NBAS: variants seen among roughly 807,000 people sequenced by gnomAD.
NBAS encodes the protein NAG/BC035112 fusion.
Under a neutral mutation model 302.5 loss-of-function variants are expected in NBAS, and 219 were observed. The ratio of observed to expected loss-of-function variants is 0.72; its 90% CI spans 0.65 to 0.81. The LOEUF (loss-of-function observed/expected upper bound fraction) is 0.81, where lower values mean the gene tolerates loss of function less well. Ranked by LOEUF, NBAS falls within the 30% of genes least tolerant of loss-of-function variation. The pLI is 0.00. For synonymous variants in NBAS, 1,118 were observed against 1,021.6 expected (o/e 1.09, Z -1.80); for missense variants, 2,932 against 2,841.6 (o/e 1.03, Z -0.72).
Position 15,177,130 on chromosome 2 carries a change from G to C in NBAS, c.6840+1858C>G, listed in dbSNP as rs769982326. On this transcript the variant is annotated intron_variant, in intron 51 of 51. Coordinates refer to ENST00000281513, the MANE Select transcript of NBAS (RefSeq NM_015909.4). ...CTTAGCAATTTATACCTGTGGCTTT[G>C]ATTCTTGGATCTGAAGGGCACAGAC... is the stretch of plus-strand genomic sequence containing the variant. 4.6e-5 allele frequency among the ~76,000 whole-genome samples: 7 copies of C among 152,180 alleles called. No individual in the cohort carries two copies. In the South Asian group the frequency reaches 8.3e-4, roughly 18 times the overall value.
chr2:15,199,896 ATTTTTTTTT>A (rs35760010), intron 48 of NBAS, among the ~76,000 whole-genome samples: 1 of 121,450 alleles, frequency 8.2e-6, no homozygotes, highest in African/African-American at 3.2e-5. Context: ...AGAAAGCTGG[ATTTTTTTTT>A]TTTTTTTTTT....
chr2:14,994,791 C>A, the NBAS span, among the ~76,000 whole-genome samples: 1 of 152,236 alleles, frequency 6.6e-6, no homozygotes, highest in African/African-American at 2.4e-5. Context: ...ATTCTCTTAA[C>A]CTGCCCTTAG....
chr2:15,492,613 T>G (rs1680906679), intron 11 of NBAS, among the ~76,000 whole-genome samples: 1 of 152,108 alleles, frequency 6.6e-6, no homozygotes, highest in African/African-American at 2.4e-5. Flanking sequence ...TGCACCACCA[T>G]GCCTGGCTAA....
intron 28 of NBAS, among the ~76,000 whole-genome samples, chr2:15,387,129 G>T (rs1454789016): frequency 2.7e-5 from 4 of 150,452 alleles, no homozygotes; most frequent in African/African-American, 9.8e-5. Flanking sequence ...GAGCAGTGGT[G>T]CAATCTCAGC....
intron 28 of NBAS, chr2:15,393,836 C>A: frequency 4.9e-6 from 2 of 408,954 alleles, no homozygotes; most frequent in South Asian, 1.9e-5. Context: ...TGAGTGAAAG[C>A]CAAACAAACA....
chr2:15,221,278 T>G (rs912373386), intron 47 of NBAS, among the ~76,000 whole-genome samples: 103 of 152,314 alleles, frequency 6.8e-4, no homozygotes, highest in Non-Finnish European at 2.5e-4. Flanking sequence ...AATATTATCC[T>G]TCCCAGGTTA....
intron 49 of NBAS, among the ~76,000 whole-genome samples, chr2:15,189,474 A>G (rs905998683): frequency 2.0e-5 from 3 of 152,116 alleles, no homozygotes; most frequent in African/African-American, 7.2e-5. Flanking sequence ...GCATGGGGAG[A>G]GCAAGATCAG....
chr2:15,481,793 C>G (rs11689269), intron 12 of NBAS, among the ~76,000 whole-genome samples: 88,651 of 152,048 alleles, frequency 0.58, 27,162 homozygotes, highest in Non-Finnish European at 0.68. Context: ...CTGTCTCAAG[C>G]CCCTCCTTGT....
the NBAS span, among the ~76,000 whole-genome samples, chr2:14,992,051 G>A: frequency 6.6e-6 from 1 of 152,146 alleles, no homozygotes; most frequent in Non-Finnish European, 1.5e-5. Context: ...AGTGGGAATG[G>A]AACAGAGCTC....
intron 25 of NBAS, among the ~76,000 whole-genome samples, chr2:15,408,179 G>A (rs1676511991): frequency 6.6e-6 from 1 of 152,138 alleles, no homozygotes; most frequent in Non-Finnish European, 1.5e-5. Flanking sequence ...TGGACACTTT[G>A]GGAGGCCATT....
intron 19 of NBAS, among the ~76,000 whole-genome samples, chr2:15,465,445 T>G (rs991514940): frequency 1.3e-5 from 2 of 152,208 alleles, no homozygotes; most frequent in South Asian, 2.1e-4. Flanking sequence ...GTGAACTCCA[T>G]GAAGCCCATT....
intron 12 of NBAS, among the ~76,000 whole-genome samples, chr2:15,488,427 G>T (rs1254606743): frequency 3.9e-5 from 6 of 152,034 alleles, no homozygotes; most frequent in Admixed American, 3.9e-4. Flanking sequence ...CACTAACAAA[G>T]AGTTCCATCC....
At chr2:15,034,026 A>AGAAGAAGAAGGAG in the NBAS span, among the ~76,000 whole-genome samples, 4 of 50,084 alleles carry the variant, frequency 8.0e-5, no homozygotes, top group Non-Finnish European at 1.1e-4. Flanking sequence ...AAGAAGAAGA[A>AGAAGAAGAAGGAG]GAGGAGGAGG....
the NBAS span, among the ~76,000 whole-genome samples, chr2:15,088,356 A>G: frequency 1.3e-5 from 2 of 152,218 alleles, no homozygotes; most frequent in African/African-American, 4.8e-5. Context: ...ACAATTTTTA[A>G]TCTAATTTTT....
At chr2:14,779,409 G>A in the NBAS span, among the ~76,000 whole-genome samples, 2 of 152,110 alleles carry the variant, frequency 1.3e-5, no homozygotes, top group African/African-American at 4.8e-5. Context: ...TTTGAGTGGA[G>A]TGCAAAGCCC....
At chr2:15,486,651 G>A (rs1680641018) in intron 12 of NBAS, among the ~76,000 whole-genome samples, 2 of 151,670 alleles carry the variant, frequency 1.3e-5, no homozygotes, top group South Asian at 2.1e-4. Flanking sequence ...TCCCTTTCCT[G>A]TCCCATTACT....
chr2:15,127,846 G>C, the NBAS span, among the ~76,000 whole-genome samples: 1 of 142,502 alleles, frequency 7.0e-6, no homozygotes. Flanking sequence ...CTGCAGCACT[G>C]TCCTGGGCAC....
the NBAS span, among the ~76,000 whole-genome samples, chr2:15,116,906 T>C: frequency 9.2e-5 from 14 of 152,324 alleles, no homozygotes; most frequent in African/African-American, 2.6e-4. Flanking sequence ...TAAATATATA[T>C]GCTAAACTCA....
intron 21 of NBAS, among the ~76,000 whole-genome samples, chr2:15,443,179 A>T (rs1678528392): frequency 1.3e-5 from 2 of 152,102 alleles, no homozygotes; most frequent in Non-Finnish European, 1.5e-5. Context: ...CTGATAGCAA[A>T]GCTGGGCAGA....
Sources: gnomAD v4.1 joint callset for allele counts (sites outside exome capture counted in the v4.1 genomes callset) on GRCh38, gnomAD v4.1.1 for gene constraint, MANE v1.5 for transcripts, NCBI Gene and HGNC (gene_info 2026-07-23, HGNC 2026-07-21) for gene names.